HERC3: variants seen among roughly 807,000 people sequenced by gnomAD.
HERC3 encodes the protein HECT and RLD domain containing E3 ubiquitin protein ligase 3.
HERC3 carries 58 observed loss-of-function variants against 129.9 expected under a neutral mutation model. The observed-to-expected ratio is 0.45, with a 90% CI of 0.36 to 0.56. The LOEUF is 0.56. HERC3 is among the 20% of genes least tolerant of loss of function. HERC3 has a pLI of 0.00. For missense variants in HERC3, 835 were observed against 1,244.2 expected, an observed-to-expected ratio of 0.67 and a Z score of 4.95; for synonymous variants, 430 against 451.0, an observed-to-expected ratio of 0.95 and a Z score of 0.59.
the HERC3 span, among the ~76,000 whole-genome samples, chr4:88,551,441 AAAAC>A: frequency 1.4e-5 from 2 of 147,764 alleles, no homozygotes; most frequent in Non-Finnish European, 3.0e-5. Flanking sequence ...TTACAAGAAA[AAAAC>A]AAACAACCCC....
intron 1 of HERC3, among the ~76,000 whole-genome samples, chr4:88,592,828 CG>C (rs1016478395): frequency 6.6e-6 from 1 of 152,108 alleles, no homozygotes; most frequent in African/African-American, 2.4e-5. Flanking sequence ...GCTCGCCCTC[CG>C]GTCAGAGAGC....
At chr4:88,648,686 G>A (rs1432336030) in intron 3 of HERC3, among the ~76,000 whole-genome samples, 1 of 151,704 alleles carries the variant, frequency 6.6e-6, no homozygotes, top group Non-Finnish European at 1.5e-5. Context: ...CATTATTCTG[G>A]GCACTTAATA....
At chr4:88,686,365 G>A (rs539204713) in intron 21 of HERC3, among the ~76,000 whole-genome samples, 4 of 152,228 alleles carry the variant, frequency 2.6e-5, no homozygotes, top group Admixed American at 6.5e-5. Flanking sequence ...TGCATAAGCC[G>A]GTGAAGCTGG....
At chr4:88,554,427 A>ATAATT in the HERC3 span, among the ~76,000 whole-genome samples, 2 of 152,282 alleles carry the variant, frequency 1.3e-5, no homozygotes, top group African/African-American at 4.8e-5. Flanking sequence ...TAGCAGGCAC[A>ATAATT]TAATTTTCAA....
the HERC3 span, among the ~76,000 whole-genome samples, chr4:88,576,649 T>G: frequency 6.6e-6 from 1 of 152,172 alleles, no homozygotes; most frequent in Non-Finnish European, 1.5e-5. Flanking sequence ...CGTGTGTGTG[T>G]GTTGGGGTGG....
At chr4:88,673,105 G>T (rs1259950831) in intron 16 of HERC3, among the ~76,000 whole-genome samples, 3 of 152,200 alleles carry the variant, frequency 2.0e-5, no homozygotes, top group Non-Finnish European at 4.4e-5. Context: ...GAGTGAATGA[G>T]TGGTGGGCTC....
At position 88,667,977 on chromosome 4, in the gene HERC3, T is replaced by C; in HGVS notation, c.1529T>C (p.Leu510Pro). The C allele has an allele frequency of 1.2e-6, 2 of 1,612,200 alleles. No individual in the cohort carries two copies. The highest frequency in any genetic ancestry group is 1.7e-6 in the Non-Finnish European group (2 of 1,178,212). ...GAAGCCATGAGAATCTATTTAATAC[T>C]ACCTGAGTTTCCCCTACTCCAGGAT... is the stretch of plus-strand genomic sequence containing the variant. ...DVEAMRIYLILPEFPLLQDSK... is the reference protein window; with the variant it reads ...DVEAMRIYLIPPEFPLLQDSK... The change falls in exon 14 of 26, where the codon CTA (leucine) becomes CCA (proline). Residue 510 changes from leucine to proline, a missense_variant. Leu to Pro is a moderately conservative substitution (Grantham distance 98, BLOSUM62 -3). Coordinates refer to ENST00000402738, the MANE Select transcript of HERC3 (RefSeq NM_014606.3).
intron 19 of HERC3, 80 bp downstream of exon 19, chr4:88,678,214 T>C (rs577980533): frequency 3.1e-6 from 4 of 1,298,310 alleles, no homozygotes; most frequent in South Asian, 1.3e-5. Context: ...AGTGATCTTA[T>C]TAAAATTGTG....
intron 3 of HERC3, among the ~76,000 whole-genome samples, chr4:88,631,378 C>T (rs1726734037): frequency 6.6e-6 from 1 of 152,138 alleles, no homozygotes; most frequent in Non-Finnish European, 1.5e-5. Context: ...TCACTTGAAC[C>T]CAGGAGGCAG....
At chr4:88,691,456 G>A (rs1389043622) in intron 23 of HERC3, among the ~76,000 whole-genome samples, 4 of 152,208 alleles carry the variant, frequency 2.6e-5, no homozygotes, top group African/African-American at 9.7e-5. Context: ...TAGGCTGCCA[G>A]CATGGTTAGG....
intron 2 of HERC3, among the ~76,000 whole-genome samples, chr4:88,604,977 A>G (rs575894066): frequency 6.6e-6 from 1 of 152,342 alleles, no homozygotes; most frequent in Non-Finnish European, 1.5e-5. Flanking sequence ...GGAAACATGA[A>G]TTGTTAAAAG....
At chr4:88,689,723 G>A (rs539819743) in intron 23 of HERC3, among the ~76,000 whole-genome samples, 25 of 151,924 alleles carry the variant, frequency 1.6e-4, no homozygotes, top group African/African-American at 4.3e-4. Flanking sequence ...GATTACAGGC[G>A]TGTACCACCA....
At chr4:88,598,224 A>G (rs1016590268) in intron 2 of HERC3, 1 of 152,148 alleles carries the variant, frequency 6.6e-6, no homozygotes, top group Non-Finnish European at 1.5e-5. Context: ...TGCTGTGTGC[A>G]TAGTCGCATA....
In HERC3 at chr4:88,667,992, T is replaced by G; in HGVS notation, c.1544T>G (p.Leu515Arg). The change falls in exon 14 of 26, where the codon CTA becomes CGA. Residue 515 changes from leucine (L) to arginine (R), a missense_variant. Leu to Arg is a moderately radical substitution (Grantham distance 102). Coordinates refer to ENST00000402738, the MANE Select transcript of HERC3 (RefSeq NM_014606.3). ...RIYLILPEFP[L>R]LQDSKYYITL... The stretch of plus-strand genomic sequence containing the variant: ...TATTTAATACTACCTGAGTTTCCCC[T>G]ACTCCAGGATTCCAAGTATTATATA... 5.0e-6 allele frequency: 8 copies of G among 1,612,512 alleles called. No individual in the cohort carries two copies. Among genetic ancestry groups the G allele is most frequent in the Non-Finnish European group, 6.8e-6 (8 of 1,178,546 alleles).
intron 23 of HERC3, among the ~76,000 whole-genome samples, chr4:88,693,981 G>C (rs901235471): frequency 2.6e-5 from 4 of 152,150 alleles, no homozygotes; most frequent in African/African-American, 9.7e-5. Context: ...AAGCAGTCCA[G>C]GAAACAATAT....
intron 7 of HERC3, 132 bp from the exon 8 acceptor site, chr4:88,655,042 A>G: frequency 8.4e-6 from 6 of 717,140 alleles, no homozygotes; most frequent in Non-Finnish European, 1.3e-5. Flanking sequence ...ATCCTTACAA[A>G]GTGATTTTGG....
At chr4:88,673,473 G>T (rs1366978491) in intron 16 of HERC3, among the ~76,000 whole-genome samples, 1 of 152,092 alleles carries the variant, frequency 6.6e-6, no homozygotes, top group Admixed American at 6.6e-5. Context: ...ATGAGCTTAG[G>T]TCACAGTGCA....
intron 15 of HERC3, 53 bp from the exon 16 acceptor site, chr4:88,670,086 A>C (rs2149301142): frequency 6.2e-7 from 1 of 1,600,864 alleles, no homozygotes; most frequent in South Asian, 1.1e-5. Context: ...TGTCCTAGTG[A>C]GATGTTCTCT....
chr4:88,589,076 G>A (rs1378691228), upstream of HERC3, among the ~76,000 whole-genome samples: 1 of 152,038 alleles, frequency 6.6e-6, no homozygotes, highest in Admixed American at 6.6e-5. Flanking sequence ...GTGTGTGTGT[G>A]TATGTGCACG....
Sources: gnomAD v4.1 joint callset for allele counts (sites outside exome capture counted in the v4.1 genomes callset) on GRCh38, gnomAD v4.1.1 for gene constraint, MANE v1.5 for transcripts, NCBI Gene and HGNC (gene_info 2026-07-23, HGNC 2026-07-21) for gene names.